DENND4C: variants seen among roughly 807,000 people sequenced by gnomAD.
DENND4C encodes DENN domain containing 4C.
Under a neutral mutation model 203.0 loss-of-function variants are expected in DENND4C, and 108 were observed. That is an observed-to-expected ratio of 0.53 (90% confidence interval 0.46 to 0.62). The LOEUF (loss-of-function observed/expected upper bound fraction) is 0.62. DENND4C is among the 20% of genes least tolerant of loss of function. The probability of loss-of-function intolerance (pLI) is 0.00; values close to 1 mark genes in which losing one functional copy is unlikely to be tolerated. For synonymous variants in DENND4C, 871 were observed against 792.4 expected, an observed-to-expected ratio of 1.10 and a Z score of -1.67; for missense variants, 2,481 against 2,301.2, an observed-to-expected ratio of 1.08 and a Z score of -1.60.
intron 1 of DENND4C, among the ~76,000 whole-genome samples, chr9:19,263,798 G>GGCGCCCACCACC (rs986592672): frequency 6.6e-6 from 1 of 152,040 alleles, no homozygotes; most frequent in Non-Finnish European, 1.5e-5. Context: ...GGGGACTACA[G>GGCGCCCACCACC]GCGCCCACCA....
intron 13 of DENND4C, among the ~76,000 whole-genome samples, chr9:19,325,208 A>G (rs1344920713): frequency 6.6e-6 from 1 of 152,022 alleles, no homozygotes; most frequent in Non-Finnish European, 1.5e-5. Flanking sequence ...TTTTGTTTTA[A>G]TGTCTTTCCA....
At chr9:19,328,693 A>ATCTG (rs772987882) in intron 16 of DENND4C, among the ~76,000 whole-genome samples, 8 of 150,864 alleles carry the variant, frequency 5.3e-5, no homozygotes, top group South Asian at 2.1e-4. Context: ...CTATCTATCT[A>ATCTG]TCTGTCTATC....
At chr9:19,239,591 G>A (rs4977518) in intron 1 of DENND4C, among the ~76,000 whole-genome samples, 128,134 of 151,990 alleles carry the variant, frequency 0.84, 54,352 homozygotes, top group Admixed American at 0.89. Flanking sequence ...GATTCAAGCA[G>A]TTCTCCTGTC....
At chr9:19,250,224 C>A (rs575716280) in intron 1 of DENND4C, among the ~76,000 whole-genome samples, 2 of 152,160 alleles carry the variant, frequency 1.3e-5, no homozygotes, top group Admixed American at 1.3e-4. Flanking sequence ...GGGTAGATCA[C>A]CTGAGGTCAG....
At chr9:19,339,302 AT>A (rs1163251300) in intron 20 of DENND4C, among the ~76,000 whole-genome samples, 1 of 152,236 alleles carries the variant, frequency 6.6e-6, no homozygotes, top group East Asian at 1.9e-4. Context: ...TTTGTCAGTT[AT>A]CCCAGTGTTC....
In DENND4C at chr9:19,365,562, A is replaced by T. The variant is rs1827463138; in HGVS notation, c.5524+3599A>T. ...GTAATTAGTCAAGAAAAGAAAAGGC[A>T]TCCAAACTGGAAAGGAAAAAAGTAA... is the stretch of plus-strand genomic sequence containing the variant. On this transcript the variant is annotated intron_variant, in intron 30 of 32. Transcript: ENST00000434457. Among the ~76,000 whole-genome samples, 4 of 152,172 alleles carry T rather than the reference A, an allele frequency of 2.6e-5. 1 individual carries two copies. In the South Asian group the frequency reaches 8.3e-4, roughly 32 times the overall value.
chr9:19,358,846 T>C lies in DENND4C; in HGVS notation c.5160+686T>C, dbSNP rs1825900586. ...TTGTGTCCGGAACCTTGATCAGATT[T>C]GGGGTTTTTGTGTTAGTGTTCATTT... On this transcript the variant is annotated intron_variant, in intron 28 of 32. Coordinates refer to ENST00000434457, the MANE Select transcript of DENND4C (RefSeq NM_001330640.2). The surrounding 1 kb of genome is among the most constrained non-coding windows in gnomAD (Gnocchi z 4.8). Among the ~76,000 whole-genome samples, 1 of 151,774 alleles carries C rather than the reference T, an allele frequency of 6.6e-6. No homozygotes were observed. Among genetic ancestry groups the C allele is most frequent in the Admixed American group, 6.6e-5 (1 of 15,262 alleles).
Position 19,356,957 on chromosome 9 carries a change from C to T in DENND4C, c.4782-15C>T, listed in dbSNP as rs1169866778. The T allele has an allele frequency of 2.5e-6, 4 of 1,609,904 alleles. No homozygotes were observed. The highest frequency in any genetic ancestry group is 1.1e-5 in the South Asian group (1 of 89,992). On this transcript the variant is annotated splice_polypyrimidine_tract_variant and intron_variant, in intron 26 of 32. Coordinates refer to ENST00000434457, the MANE Select transcript of DENND4C (RefSeq NM_001330640.2). ...GATTTTTAAAGGCTCTTTTTCCCCC[C>T]TTTTCCTTATGTAGCTTTTTCCTGA...
At chr9:19,340,785 A>G (rs1323331392) in intron 20 of DENND4C, among the ~76,000 whole-genome samples, 1 of 152,136 alleles carries the variant, frequency 6.6e-6, no homozygotes, top group Admixed American at 6.5e-5. Flanking sequence ...AGTGCTTCCA[A>G]ATGTGTTTAG....
In DENND4C at chr9:19,276,226, C is replaced by G. The variant is rs1317478695; in HGVS notation, c.52C>G (p.Leu18Val). ...RVTDYFVVAG[L>V]TDTSTLLDQE... is the part of the protein sequence containing the mutation. ...GACAGACTACTTTGTCGTAGCTGGT[C>G]TCACTGACACATCTACTCTTTTGGA... Residue 18 changes from leucine to valine, a missense_variant, in exon 2 of 33, where the codon CTC becomes GTC. Coordinates refer to ENST00000434457, the MANE Select transcript of DENND4C (RefSeq NM_001330640.2). The G allele has an allele frequency of 8.1e-7, 1 of 1,232,104 alleles. No homozygotes were observed. The highest frequency in any genetic ancestry group is 1.0e-6 in the Non-Finnish European group (1 of 987,916). 76.3% of individuals were successfully genotyped at this position (1,232,104 alleles called of 1,614,324 possible). A position where few individuals can be genotyped will look rare whatever the true frequency, so the allele number is the denominator to read the frequency against.
At position 19,369,733 on chromosome 9, in the gene DENND4C, C is replaced by T. The variant is rs1212524401; in HGVS notation, c.5525-104C>T. The T allele has an allele frequency of 5.6e-6, 4 of 712,178 alleles. No individual in the cohort carries two copies. The African/African-American group carries it at 7.7e-5, about 14-fold the overall frequency. 44.1% of individuals were successfully genotyped at this position (712,178 alleles called of 1,614,324 possible). A position where few individuals can be genotyped will look rare whatever the true frequency, so the allele number is the denominator to read the frequency against. ...AGTGAGCCATGATCACATCACTGCACTCCAGCCTGGGTAACAGAGTGAGAT... is the reference window on the plus strand; with the variant it reads ...AGTGAGCCATGATCACATCACTGCATTCCAGCCTGGGTAACAGAGTGAGAT... On this transcript the variant is annotated intron_variant, in intron 30 of 32. Transcript: ENST00000434457.
chr9:19,293,480 A>T (rs1836784400), intron 5 of DENND4C, among the ~76,000 whole-genome samples: 1 of 151,962 alleles, frequency 6.6e-6, no homozygotes, highest in South Asian at 2.1e-4. Flanking sequence ...CTTTGAAATA[A>T]TTGTATCTGG....
At chr9:19,302,544 A>T (rs1838797855) in intron 9 of DENND4C, among the ~76,000 whole-genome samples, 1 of 152,054 alleles carries the variant, frequency 6.6e-6, no homozygotes, top group South Asian at 2.1e-4. Flanking sequence ...CTTTTGTTGA[A>T]TAGAAGATAA....
chr9:19,273,552 T>G (rs1832219971), intron 1 of DENND4C, among the ~76,000 whole-genome samples: 1 of 151,868 alleles, frequency 6.6e-6, no homozygotes. Context: ...AGATGACTTG[T>G]CTCAAGAATA....
At chr9:19,350,555 G>C in intron 23 of DENND4C, 147 bp from the exon 24 acceptor site, 2 of 621,112 alleles carry the variant, frequency 3.2e-6, no homozygotes. Context: ...TGAAATAATA[G>C]TGAGGAGATT....
chr9:19,365,920 TAAAGAA>T (rs926390183), intron 30 of DENND4C, among the ~76,000 whole-genome samples: 1 of 151,976 alleles, frequency 6.6e-6, no homozygotes, highest in African/African-American at 2.4e-5. Context: ...TGAAAGAAAT[TAAAGAA>T]TAAGTAAATG....
At chr9:19,347,930 C>A (rs1823259953) in intron 23 of DENND4C, among the ~76,000 whole-genome samples, 1 of 152,100 alleles carries the variant, frequency 6.6e-6, no homozygotes, top group Non-Finnish European at 1.5e-5. Flanking sequence ...TAGAGTTAAT[C>A]ATTAGATCTT....
chr9:19,234,124 T>G (rs1292767487), intron 1 of DENND4C, among the ~76,000 whole-genome samples: 1 of 152,188 alleles, frequency 6.6e-6, no homozygotes, highest in African/African-American at 2.4e-5. Context: ...TTACTGTTAT[T>G]TTATGGCTTT....
chr9:19,356,810 A>AGAGAGAGAGAGAGAGAGT (rs1447525810), intron 26 of DENND4C, among the ~76,000 whole-genome samples, 162 bp from the exon 27 acceptor site: 6,985 of 145,690 alleles, frequency 0.048, 144 homozygotes, highest in Middle Eastern at 0.063. Flanking sequence ...AGAGAGAGAG[A>AGAGAGAGAGAGAGAGAGT]GAGAGAGTGA....
Sources: gnomAD v4.1 joint callset for allele counts (sites outside exome capture counted in the v4.1 genomes callset) on GRCh38, gnomAD v4.1.1 for gene constraint, Gnocchi (gnomAD v3.1) non-coding constraint, MANE v1.5 for transcripts, NCBI Gene and HGNC (gene_info 2026-07-23, HGNC 2026-07-21) for gene names.